The following IDUA variants were observed in gnomAD, a reference collection of about 807,000 sequenced individuals.
The protein encoded by IDUA is iduronidase alpha-L-.
IDUA carries 65 observed loss-of-function variants against 68.9 expected under a neutral mutation model. That is an observed-to-expected ratio of 0.94 (90% CI 0.77 to 1.16). The LOEUF (loss-of-function observed/expected upper bound fraction) is 1.16, where lower values mean the gene tolerates loss of function less well. Among genes scored for constraint, IDUA ranks in the 50% most tolerant of loss-of-function variants. The pLI is 0.00. For synonymous variants in IDUA, 529 were observed against 433.6 expected (o/e 1.22, Z -2.73); for missense variants, 1,046 against 938.0 (o/e 1.12, Z -1.50).
At position 989,715 on chromosome 4, in the gene IDUA, A is replaced by G. The variant is rs1275969391; in HGVS notation, c.299+1766A>G. 1.8e-5 allele frequency: 28 copies of G among 1,558,812 alleles called. No homozygotes were observed. In the East Asian group the frequency reaches 6.7e-4, roughly 37 times the overall value. On this transcript the variant is annotated intron_variant, in intron 2 of 13. Transcript: ENST00000514224. ...CGCTGGACAGCTGTGTCCGGCAGCCAGTGGCTGTCTTCACCAGGCTCTTGG... is the reference window on the plus strand; with the variant it reads ...CGCTGGACAGCTGTGTCCGGCAGCCGGTGGCTGTCTTCACCAGGCTCTTGG...
At chr4:1,003,678 G>T in intron 12 of IDUA, 53 bp downstream of exon 12, 1 of 1,596,622 alleles carries the variant, frequency 6.3e-7, no homozygotes, top group Non-Finnish European at 8.6e-7. Context: ...AGGTCCCTGG[G>T]TCCCGACCCC....
At position 1,003,041 on chromosome 4, in the gene IDUA, G is replaced by A. The variant is rs1163173210; in HGVS notation, c.1408G>A (p.Val470Ile). ...CTGAGTGTCAGGCCCCGCAGGCCTG[G>A]TCTACGTCACGCGCTACCTGGACAA... is the stretch of plus-strand genomic sequence containing the variant. ...LRGVPPGPGL[V>I]YVTRYLDNGL... Residue 470 changes from valine to isoleucine, a missense_variant, in exon 10 of 14, where the codon GTC becomes ATC. By Grantham distance (29) the Val-to-Ile change is conservative. Transcript: ENST00000514224. 6.6e-7 allele frequency: 1 copy of A among 1,509,610 alleles called. No individual in the cohort carries two copies. 93.5% of individuals were successfully genotyped at this position (1,509,610 alleles called of 1,614,324 possible).
Position 1,004,177 on chromosome 4 carries a change from G to T in IDUA, c.1828+65G>T. The T allele has an allele frequency of 6.2e-7, 1 of 1,611,756 alleles. No individual in the cohort carries two copies. The highest frequency in any genetic ancestry group is 1.1e-5 in the South Asian group (1 of 91,064). On this transcript the variant is annotated intron_variant, in intron 13 of 13. Coordinates refer to ENST00000514224, the MANE Select transcript of IDUA (RefSeq NM_000203.5). The surrounding 1 kb of genome is among the most constrained non-coding windows in gnomAD (Gnocchi z 5.0). The stretch of plus-strand genomic sequence containing the variant: ...TTCTTGGGCCTCAGGGCAGTACTGG[G>T]TGGGGGCCTCGAGAAGCCTGGGGTC...
At position 1,003,537 on chromosome 4, in the gene IDUA, T is replaced by TC. The variant is rs1342639682; in HGVS notation, c.1651-9dup. ...CCTTCCCCGACGCCATCACAGCCCT[T>TC]CCCTCCCCCAGGTCACGCGGCTCCG... On this transcript the variant is annotated splice_polypyrimidine_tract_variant and intron_variant, in intron 11 of 13. Coordinates refer to ENST00000514224, the MANE Select transcript of IDUA (RefSeq NM_000203.5). The TC allele has an allele frequency of 1.2e-6, 2 of 1,610,322 alleles. No homozygotes were observed. The highest frequency in any genetic ancestry group is 1.7e-6 in the Non-Finnish European group (2 of 1,179,594).
chr4:1,000,901 C>G lies in IDUA; in HGVS notation c.405C>G (p.Ser135Arg). 1 of 1,613,170 alleles carries G rather than the reference C, an allele frequency of 6.2e-7. No individual in the cohort carries two copies. Among genetic ancestry groups the G allele is most frequent in the Non-Finnish European group, 8.5e-7 (1 of 1,179,784 alleles). Residue 135 changes from serine (S) to arginine (R), a missense_variant, in exon 4 of 14, where the codon AGC becomes AGG. Physicochemically the swap from Ser to Arg is moderately radical, Grantham distance 110. Transcript: ENST00000514224. ...TTCCAGGGTTTGAGCTGATGGGCAG[C>G]GCCTCGGGCCACTTCACTGACTTTG... ...QLLPGFELMG[S>R]ASGHFTDFED...
In IDUA at chr4:1,001,826, ACTT is replaced by A. The variant is rs764800004; in HGVS notation, c.742_744del (p.Phe248del). The A allele has an allele frequency of 1.7e-5, 27 of 1,605,088 alleles. No homozygotes were observed. Among genetic ancestry groups the A allele is most frequent in the Non-Finnish European group, 2.5e-6 (3 of 1,177,376 alleles). On this transcript the variant is annotated inframe_deletion, in exon 6 of 14. Transcript: ENST00000514224. ...CTGCGCCACTGCCACGACGGTACCA[ACTT>A]CTTCACTGGGGAGGCGGGCGTGCGG...
intron 2 of IDUA, chr4:990,866 C>G (rs1182413783): frequency 2.0e-5 from 10 of 497,262 alleles, no homozygotes; most frequent in Admixed American, 3.7e-5. Context: ...CACAGCCACA[C>G]CTGGCCTGCT....
chr4:1,001,660 C>T lies in IDUA; in HGVS notation c.590-19C>T. 6.2e-7 allele frequency: 1 copy of T among 1,603,932 alleles called. No individual in the cohort carries two copies. Among genetic ancestry groups the T allele is most frequent in the African/African-American group, 1.3e-5 (1 of 74,956 alleles). ...CTCATCCCCAGGGCAGGTGTAGACGCAGTGCTCCCCCGGCCCAGGCTTCCT... is the reference window on the plus strand; with the variant it reads ...CTCATCCCCAGGGCAGGTGTAGACGTAGTGCTCCCCCGGCCCAGGCTTCCT... On this transcript the variant is annotated intron_variant, in intron 5 of 13. Coordinates refer to ENST00000514224, the MANE Select transcript of IDUA (RefSeq NM_000203.5).
Position 1,001,554 on chromosome 4 carries a change from A to G in IDUA, c.580A>G (p.Thr194Ala). 6.2e-7 allele frequency: 1 copy of G among 1,613,180 alleles called. No individual in the cohort carries two copies. The highest frequency in any genetic ancestry group is 8.5e-7 in the Non-Finnish European group (1 of 1,179,930). The change falls in exon 5 of 14, where the codon ACC becomes GCC. Residue 194 changes from threonine to alanine, a missense_variant. Coordinates refer to ENST00000514224, the MANE Select transcript of IDUA (RefSeq NM_000203.5). The stretch of plus-strand genomic sequence containing the variant: ...CCACGACTTTGACAACGTCTCCATG[A>G]CCATGCAAGGTGTGCACCGCTTCCT... Reference protein sequence around the residue: ...DHHDFDNVSMTMQGFLNYYDA... With the variant: ...DHHDFDNVSMAMQGFLNYYDA...
rs1160519179 is a variant in IDUA, at chr4:1,002,011, G to A, written c.822G>A (p.Glu274=). The change falls in exon 7 of 14, where the codon GAG becomes GAA. Residue 274 remains glutamate (E), a synonymous_variant. Coordinates refer to ENST00000514224, the MANE Select transcript of IDUA (RefSeq NM_000203.5). The stretch of plus-strand genomic sequence containing the variant: ...CGCGCAGCTCCATCTCCATCCTGGA[G>A]CAGGAGAAGGTCGTCGCGCAGCAGA... The part of the protein sequence containing the change: ...KGARSSISIL[E]QEKVVAQQIR... 2.5e-6 allele frequency: 4 copies of A among 1,595,360 alleles called. No homozygotes were observed. In the East Asian group the frequency reaches 6.8e-5, roughly 27 times the overall value.
intron 5 of IDUA, 30 bp downstream of exon 5, chr4:1,001,593 G>A: frequency 6.2e-7 from 1 of 1,609,884 alleles, no homozygotes; most frequent in Non-Finnish European, 8.5e-7. Context: ...GTCCTGCCCG[G>A]CTGAAAGGGG....
chr4:1,001,100 C>A, intron 4 of IDUA, 111 bp downstream of exon 4: 1 of 786,938 alleles, frequency 1.3e-6, no homozygotes, highest in Non-Finnish European at 2.2e-6. Context: ...GGTGGGCAGG[C>A]GCAGGCCCTT....
At chr4:1,002,570 A>C in intron 8 of IDUA, 85 bp downstream of exon 8, 1 of 1,290,760 alleles carries the variant, frequency 7.7e-7, no homozygotes, top group South Asian at 1.7e-5. Flanking sequence ...CGGGGAGCGC[A>C]CTTCCTCCAG....
At chr4:999,061 C>T (rs908902433) in intron 2 of IDUA, among the ~76,000 whole-genome samples, 63 of 151,956 alleles carry the variant, frequency 4.1e-4, no homozygotes, top group Admixed American at 5.2e-4. Flanking sequence ...AAAAATTAGC[C>T]GGGCGTGGTG....
chr4:995,255 G>A (rs11931378), intron 2 of IDUA, among the ~76,000 whole-genome samples: 8,319 of 151,948 alleles, frequency 0.055, 728 homozygotes, highest in African/African-American at 0.19. Flanking sequence ...ATGTTGGTCA[G>A]GCTAGTCTTG....
At chr4:993,192 C>T (rs1714505009) in intron 2 of IDUA, 1 of 152,276 alleles carries the variant, frequency 6.6e-6, no homozygotes, top group Admixed American at 6.5e-5. Flanking sequence ...GGCCACCTGC[C>T]TTGAGCCTGA....
Position 1,001,663 on chromosome 4 carries a change from T to G in IDUA, c.590-16T>G. 6.2e-7 allele frequency: 1 copy of G among 1,603,776 alleles called. No homozygotes were observed. The highest frequency in any genetic ancestry group is 8.5e-7 in the Non-Finnish European group (1 of 1,179,016). On this transcript the variant is annotated splice_polypyrimidine_tract_variant and intron_variant, in intron 5 of 13. Transcript: ENST00000514224. ...ATCCCCAGGGCAGGTGTAGACGCAG[T>G]GCTCCCCCGGCCCAGGCTTCCTGAA... is the stretch of plus-strand genomic sequence containing the variant.
intron 2 of IDUA, chr4:988,438 G>C: frequency 9.3e-7 from 1 of 1,077,706 alleles, no homozygotes. Flanking sequence ...CTACCAGCAG[G>C]GTGGGCACCG....
In IDUA at chr4:1,000,873, G is replaced by C. The variant is rs767145073; in HGVS notation, c.386-9G>C. ...TGGTGGGCGGTGGGGCAGCCCTCCT[G>C]TGTTCCAGGGTTTGAGCTGATGGGC... On this transcript the variant is annotated splice_polypyrimidine_tract_variant and intron_variant, in intron 3 of 13. Transcript: ENST00000514224. The C allele has an allele frequency of 1.9e-6, 3 of 1,610,058 alleles. No homozygotes were observed. The highest frequency in any genetic ancestry group is 2.7e-5 in the African/African-American group (2 of 75,014).
Sources: allele counts gnomAD v4.1 joint callset (sites outside exome capture counted in the v4.1 genomes callset), GRCh38; gene constraint gnomAD v4.1.1; non-coding constraint Gnocchi (gnomAD v3.1); transcripts MANE v1.5; gene names NCBI Gene and HGNC (gene_info 2026-07-23, HGNC 2026-07-21).